Variants in MBD2 observed in about 807,000 individuals in gnomAD.
MBD2 encodes methyl-CpG binding domain protein 2, also known as methyl-CpG-binding domain protein 2.
Under a neutral mutation model 39.3 loss-of-function variants are expected in MBD2, and 9 were observed. The observed-to-expected ratio is 0.23, with a 90% CI of 0.14 to 0.40. The LOEUF (loss-of-function observed/expected upper bound fraction) is 0.40, where lower values mean the gene tolerates loss of function less well. Among genes scored for constraint, MBD2 ranks in the 10% least tolerant of loss-of-function variants. The probability of loss-of-function intolerance (pLI) is 1.00; values close to 1 mark genes in which losing one functional copy is unlikely to be tolerated. For synonymous variants in MBD2, 233 were observed against 211.1 expected (o/e 1.10, Z -0.90); for missense variants, 458 against 532.6 (o/e 0.86, Z 1.38).
In MBD2 at chr18:54,224,170, C is replaced by A. The variant is rs1407615954; in HGVS notation, c.390G>T (p.Pro130=). 1 of 1,407,320 alleles carries A rather than the reference C, an allele frequency of 7.1e-7. No individual in the cohort carries two copies. The highest frequency in any genetic ancestry group is 9.3e-7 in the Non-Finnish European group (1 of 1,077,560). The allele number at this position is 1,407,320 out of a possible 1,614,324, so 87.2% of individuals were successfully genotyped here. A position where few individuals can be genotyped will look rare whatever the true frequency, so the allele number is the denominator to read the frequency against. The stretch of plus-strand genomic sequence containing the variant: ...TGGGCCCCGGCCCCGCGCTCCCCGA[C>A]GGGAAAGGGACCGGCTCCCGCCGGG... ...GAPRREPVPF[P]SGSAGPGPRG... Residue 130 remains proline, a synonymous_variant, in exon 1 of 7, where the codon CCG becomes CCT. Coordinates refer to ENST00000256429, the MANE Select transcript of MBD2 (RefSeq NM_003927.5).
chr18:54,165,124 A>T (rs1394061316), intron 4 of MBD2, among the ~76,000 whole-genome samples: 1 of 152,192 alleles, frequency 6.6e-6, no homozygotes, highest in East Asian at 1.9e-4. Context: ...ATGTATTCCT[A>T]GAGTACTGGT....
rs112392256 is a variant in MBD2, at chr18:54,202,237, G to T, written c.702+2761C>A. Among the ~76,000 whole-genome samples, 699 of 152,000 alleles carry T rather than the reference G, an allele frequency of 4.6e-3. 9 individuals are homozygous for T. The highest frequency in any genetic ancestry group is 0.016 in the African/African-American group (656 of 41,450). On this transcript the variant is annotated intron_variant, in intron 2 of 6. Transcript: ENST00000256429. ...GGGTGCCTGTAATCCCAGCTACTCA[G>T]GAGGCTGAGGAAGAGACAATCGCTT... is the stretch of plus-strand genomic sequence containing the variant.
intron 2 of MBD2, among the ~76,000 whole-genome samples, chr18:54,204,469 T>C (rs751527451): frequency 1.2e-4 from 19 of 152,186 alleles, no homozygotes; most frequent in Non-Finnish European, 2.4e-4. Context: ...TTTGCTTAAA[T>C]TGCTATACAA....
intron 1 of MBD2, among the ~76,000 whole-genome samples, chr18:54,207,429 T>C (rs2086459460): frequency 6.6e-6 from 1 of 152,260 alleles, no homozygotes; most frequent in Non-Finnish European, 1.5e-5. Context: ...ATTTCCTATA[T>C]ATTTCCTTGC....
chr18:54,210,336 T>C (rs901443614), intron 1 of MBD2, among the ~76,000 whole-genome samples: 4 of 152,178 alleles, frequency 2.6e-5, no homozygotes, highest in African/African-American at 9.7e-5. Flanking sequence ...AATACTCAGA[T>C]TACGCTCACT....
At chr18:54,180,107 T>C (rs1204521666) in intron 3 of MBD2, among the ~76,000 whole-genome samples, 3 of 152,044 alleles carry the variant, frequency 2.0e-5, no homozygotes, top group African/African-American at 4.8e-5. Context: ...AAAAATTTTA[T>C]AAATGACACC....
chr18:54,215,091 T>C (rs555139167), intron 1 of MBD2, among the ~76,000 whole-genome samples: 1 of 152,224 alleles, frequency 6.6e-6, no homozygotes, highest in Non-Finnish European at 1.5e-5. Flanking sequence ...AACAAAAGCT[T>C]ACAAAAACTT....
chr18:54,188,981 T>C lies in MBD2; in HGVS notation c.733A>G (p.Ile245Val), dbSNP rs1357267049. ...GKPDLNTTLP[I>V]RQTASIFKQP... ...TTGAAAATTGATGCTGTTTGTCTAA[T>C]TGGCAATGTTGTATTCAAGTCTGGT... The change falls in exon 3 of 7, where the codon ATT becomes GTT. Residue 245 changes from isoleucine to valine, a missense_variant. This residue lies in a region of MBD2 where 189 missense variants were observed against 296.6 expected (regional missense o/e 0.64). Transcript: ENST00000256429. 5 of 1,608,704 alleles carry C rather than the reference T, an allele frequency of 3.1e-6. No homozygotes were observed. Among genetic ancestry groups the C allele is most frequent in the East Asian group, 2.2e-5 (1 of 44,752 alleles).
At chr18:54,198,655 G>A (rs2086383698) in intron 2 of MBD2, among the ~76,000 whole-genome samples, 1 of 152,206 alleles carries the variant, frequency 6.6e-6, no homozygotes, top group Non-Finnish European at 1.5e-5. Flanking sequence ...AAGGCTGCGT[G>A]AACTGTGATT....
rs1302599038 is a variant in MBD2, at chr18:54,164,571, G to A, written c.1061C>T (p.Thr354Ile). The A allele has an allele frequency of 6.2e-7, 1 of 1,614,078 alleles. No individual in the cohort carries two copies. The highest frequency in any genetic ancestry group is 8.5e-7 in the Non-Finnish European group (1 of 1,180,018). ...VEKNPAVWLN[T>I]SQPLCKAFIV... Reference sequence around the variant, plus strand: ...AAAAGCTTTGCAGAGGGGTTGAGATGTGTTAAGCCAAACAGCAGGGTTCTT... The same window carrying A: ...AAAAGCTTTGCAGAGGGGTTGAGATATGTTAAGCCAAACAGCAGGGTTCTT... Residue 354 changes from threonine (T) to isoleucine (I), a missense_variant, in exon 5 of 7, where the codon ACA (threonine) becomes ATA (isoleucine). Around this residue, in one of 2 missense-constraint regions of MBD2, gnomAD observed 189 missense variants for 296.6 expected, o/e 0.64. Coordinates refer to ENST00000256429, the MANE Select transcript of MBD2 (RefSeq NM_003927.5).
At position 54,163,169 on chromosome 18, in the gene MBD2, G is replaced by A. The variant is rs559585706; in HGVS notation, c.1109+1354C>T. Among the ~76,000 whole-genome samples the A allele has an allele frequency of 4.7e-4, 72 of 152,296 alleles. 1 individual carries two copies. Among genetic ancestry groups the A allele is most frequent in the Admixed American group, 2.6e-4 (4 of 15,300 alleles). On this transcript the variant is annotated intron_variant, in intron 5 of 6. Coordinates refer to ENST00000256429, the MANE Select transcript of MBD2 (RefSeq NM_003927.5). ...CGCCTGTAGTCCCAGCTACTCGGGC[G>A]GCTGAGGCAGGAGAATTGCTTGAAC...
intron 1 of MBD2, among the ~76,000 whole-genome samples, chr18:54,213,277 G>A (rs568099881): frequency 6.6e-4 from 101 of 152,244 alleles, no homozygotes; most frequent in African/African-American, 2.3e-3. Flanking sequence ...CAGATCAGTG[G>A]CAGCTTTAGA....
At chr18:54,217,676 CTAAAT>C (rs1320659776) in intron 1 of MBD2, among the ~76,000 whole-genome samples, 1 of 152,058 alleles carries the variant, frequency 6.6e-6, no homozygotes. Context: ...TCCATTAAAA[CTAAAT>C]TATGAAAAAA....
rs1005811805 is a variant in MBD2, at chr18:54,154,023, T to C, written c.*1301A>G. ...TAATAAAATGTACAGGTGACACTCA[T>C]GTGGAATTGGTCATACCCCTGACTG... is the stretch of plus-strand genomic sequence containing the variant. On this transcript the variant is annotated 3_prime_UTR_variant, in exon 7 of 7. Transcript: ENST00000256429. 2 of 152,182 alleles carry C rather than the reference T, an allele frequency of 1.3e-5. No homozygotes were observed. The highest frequency in any genetic ancestry group is 4.8e-5 in the African/African-American group (2 of 41,436). 9.4% of individuals were successfully genotyped at this position (152,182 alleles called of 1,614,324 possible).
intron 5 of MBD2, 64 bp from the exon 6 acceptor site, chr18:54,159,967 A>G: frequency 6.5e-7 from 1 of 1,537,620 alleles, no homozygotes; most frequent in Non-Finnish European, 8.9e-7. Flanking sequence ...TGAATCTGCT[A>G]CAGAAGTTCA....
rs563622315 is a variant in MBD2 at position 54,162,778 on chromosome 18, T to G, written c.1109+1745A>C. On this transcript the variant is annotated intron_variant, in intron 5 of 6. Coordinates refer to ENST00000256429, the MANE Select transcript of MBD2 (RefSeq NM_003927.5). Reference sequence around the variant, plus strand: ...TCATTGATTTTACATTTTGTTTTCTTAAAAAATAAAGTTTTTAAGAAACTT... The same window carrying G: ...TCATTGATTTTACATTTTGTTTTCTGAAAAAATAAAGTTTTTAAGAAACTT... 7.9e-5 allele frequency among the ~76,000 whole-genome samples: 12 copies of G among 152,278 alleles called. No individual in the cohort carries two copies. In the East Asian group the frequency reaches 2.1e-3, roughly 27 times the overall value.
intron 1 of MBD2, among the ~76,000 whole-genome samples, chr18:54,213,216 C>T (rs546289827): frequency 6.6e-6 from 1 of 152,208 alleles, no homozygotes; most frequent in South Asian, 2.1e-4. Flanking sequence ...CCGTTAAGAA[C>T]CGGGAGGTAC....
Position 54,224,546 on chromosome 18 carries a change from G to T in MBD2, c.14C>A (p.Pro5Gln), listed in dbSNP as rs1180220083. 1 of 1,200,238 alleles carries T rather than the reference G, an allele frequency of 8.3e-7. No homozygotes were observed. The highest frequency in any genetic ancestry group is 1.0e-6 in the Non-Finnish European group (1 of 968,516). 74.3% of individuals were successfully genotyped at this position (1,200,238 alleles called of 1,614,324 possible). The part of the protein sequence containing the change: MRAH[P>Q]GGGRCCPEQE... ...CTCCGGGCAGCAGCGGCCTCCCCCC[G>T]GGTGCGCGCGCATCCAGCCCCCTCC... Residue 5 changes from proline to glutamine, a missense_variant, in exon 1 of 7, where the codon CCG becomes CAG. Transcript: ENST00000256429.
At position 54,166,423 on chromosome 18, in the gene MBD2, G is replaced by A. The variant is rs117007256; in HGVS notation, c.841-257C>T. On this transcript the variant is annotated intron_variant, in intron 3 of 6. Transcript: ENST00000256429. ...ACAATACTATAGATGGTTATATGCTGTATACTATGTATAGTTTCTTATAAG... is the reference window on the plus strand; with the variant it reads ...ACAATACTATAGATGGTTATATGCTATATACTATGTATAGTTTCTTATAAG... Among the ~76,000 whole-genome samples, 175 of 152,210 alleles carry A rather than the reference G, an allele frequency of 1.1e-3. 2 individuals carry two copies. In the East Asian group the frequency reaches 0.031, roughly 27 times the overall value.
Sources: allele counts gnomAD v4.1 joint callset (sites outside exome capture counted in the v4.1 genomes callset), GRCh38; gene constraint gnomAD v4.1.1; regional missense constraint gnomAD v4.1.1; transcripts MANE v1.5; gene names NCBI Gene and HGNC (gene_info 2026-07-23, HGNC 2026-07-21).